DMXL2: variants seen among roughly 807,000 people sequenced by gnomAD.
DMXL2 encodes the protein dmX-like protein 2.
In DMXL2, 103 loss-of-function variants were observed where a neutral mutation model predicts 331.1. The observed-to-expected ratio is 0.31, with a 90% CI of 0.27 to 0.37. The LOEUF is 0.37. Among genes scored for constraint, DMXL2 ranks in the 10% least tolerant of loss-of-function variants. The probability of loss-of-function intolerance (pLI) is 1.00; values close to 1 mark genes in which losing one functional copy is unlikely to be tolerated. For synonymous variants in DMXL2, 1,281 were observed against 1,252.1 expected (o/e 1.02, Z -0.49); for missense variants, 3,171 against 3,642.9 (o/e 0.87, Z 3.33).
intron 23 of DMXL2, among the ~76,000 whole-genome samples, chr15:51,483,105 T>G (rs2042134769): frequency 6.6e-6 from 1 of 152,046 alleles, no homozygotes; most frequent in Admixed American, 6.5e-5. Flanking sequence ...ACCACAAACA[T>G]CTACAGTCCT....
Position 51,478,275 on chromosome 15 carries a change from A to G in DMXL2, c.6829T>C (p.Tyr2277His). 1 of 1,611,730 alleles carries G rather than the reference A, an allele frequency of 6.2e-7. No homozygotes were observed. Among genetic ancestry groups the G allele is most frequent in the Non-Finnish European group, 8.5e-7 (1 of 1,178,434 alleles). ...TTTTGGGTGATTTTTTTTTACCTGTAGCTATGACTGTCACATAATGCTTGG... is the reference window on the plus strand; with the variant it reads ...TTTTGGGTGATTTTTTTTTACCTGTGGCTATGACTGTCACATAATGCTTGG... ...IYQALCDSHS[Y>H]SSQTEGNQFT... Residue 2277 changes from tyrosine (Y) to histidine (H), a missense_variant, in exon 26 of 44, where the codon TAC becomes CAC. Tyr to His is a moderately conservative substitution (Grantham distance 83). This residue lies in a region of DMXL2 where 18 missense variants were observed against 40.9 expected (regional missense o/e 0.44). Coordinates refer to ENST00000560891, the MANE Select transcript of DMXL2 (RefSeq NM_001378457.1).
chr15:51,466,259 A>G lies in DMXL2; in HGVS notation c.7445T>C (p.Ile2482Thr). 6.4e-7 allele frequency: 1 copy of G among 1,566,506 alleles called. No homozygotes were observed. Among genetic ancestry groups the G allele is most frequent in the Non-Finnish European group, 8.6e-7 (1 of 1,158,426 alleles). ...SGVIYDSDESIHSDEEDDAFF... is the reference protein window; with the variant it reads ...SGVIYDSDESTHSDEEDDAFF... The stretch of plus-strand genomic sequence containing the variant: ...GGCATCATCTTCTTCATCACTATGA[A>G]TGCTTTCATCAGAATCATATATAAC... The change falls in exon 30 of 44, where the codon ATT (isoleucine) becomes ACT (threonine). Residue 2482 changes from isoleucine (I) to threonine (T), a missense_variant. Ile to Thr is a moderately conservative substitution (Grantham distance 89). Transcript: ENST00000560891.
intron 28 of DMXL2, among the ~76,000 whole-genome samples, chr15:51,472,631 T>G (rs1337644622): frequency 1.3e-5 from 2 of 152,198 alleles, no homozygotes; most frequent in Non-Finnish European, 2.9e-5. Context: ...AATATGAGAC[T>G]TTTTGTGTCT....
rs12909640 is a variant in DMXL2, at chr15:51,498,415, G to C, written c.4672+137C>G. 2,846 of 776,866 alleles carry C rather than the reference G, an allele frequency of 3.7e-3. 7 individuals carry two copies. Among genetic ancestry groups the C allele is most frequent in the Non-Finnish European group, 3.9e-3 (1,911 of 490,986 alleles). 48.1% of individuals were successfully genotyped at this position (776,866 alleles called of 1,614,324 possible). On this transcript the variant is annotated intron_variant, in intron 18 of 43. Transcript: ENST00000560891. The stretch of plus-strand genomic sequence containing the variant: ...TTCTAACTGAGCATATTATATAATA[G>C]TAATTACCTATTAAGGAGGTCTTTT...
chr15:51,523,002 G>A (rs2047463226), intron 13 of DMXL2, among the ~76,000 whole-genome samples: 1 of 152,102 alleles, frequency 6.6e-6, no homozygotes, highest in Admixed American at 6.5e-5. Context: ...TTCCCTTCCT[G>A]TGCTTCCTAA....
intron 18 of DMXL2, among the ~76,000 whole-genome samples, chr15:51,495,625 T>C (rs1311744933): frequency 6.6e-6 from 1 of 152,048 alleles, no homozygotes; most frequent in Non-Finnish European, 1.5e-5. Context: ...ATACCCAGGC[T>C]AGTTAGTGTT....
chr15:51,547,231 T>G lies in DMXL2; in HGVS notation c.745A>C (p.Arg249=). The G allele has an allele frequency of 6.2e-7, 1 of 1,601,170 alleles. No homozygotes were observed. The highest frequency in any genetic ancestry group is 8.5e-7 in the Non-Finnish European group (1 of 1,175,366). The change falls in exon 7 of 44, where the codon AGG becomes CGG. Residue 249 remains arginine, a splice_region_variant and synonymous_variant. Transcript: ENST00000560891. ...AGCTACATGATTCATTCATCTAACC[T>G]GGGCATATACTTGCTAGTTTTGCGC... ...SWRKTSKYMP[R]GSVCNVLLTS...
chr15:51,530,226 G>A (rs1241034629), intron 13 of DMXL2, among the ~76,000 whole-genome samples: 2 of 152,114 alleles, frequency 1.3e-5, no homozygotes, highest in East Asian at 3.8e-4. Context: ...GAAAGTGCCA[G>A]CTCAGGCAAT....
chr15:51,455,222 C>T lies in DMXL2; in HGVS notation c.8533G>A (p.Val2845Ile). 6.2e-7 allele frequency: 1 copy of T among 1,613,730 alleles called. No individual in the cohort carries two copies. Among genetic ancestry groups the T allele is most frequent in the Non-Finnish European group, 8.5e-7 (1 of 1,179,616 alleles). Residue 2845 changes from valine to isoleucine, a missense_variant, in exon 40 of 44, where the codon GTT (valine) becomes ATT (isoleucine). Transcript: ENST00000560891. ...YFNSQGNKCG[V>I]ADGEGFLSIW... ...CTCAGAAAACCCTCTCCATCCGCAA[C>T]ACCACACTGTAAGAACAGTATAACT...
At chr15:51,522,445 G>A (rs2047430164) in intron 13 of DMXL2, among the ~76,000 whole-genome samples, 1 of 152,142 alleles carries the variant, frequency 6.6e-6, no homozygotes. Flanking sequence ...AGCAGTTCAA[G>A]ACCAGCCTGG....
chr15:51,478,874 C>T (rs1193488577), intron 25 of DMXL2, among the ~76,000 whole-genome samples: 1 of 151,774 alleles, frequency 6.6e-6, no homozygotes, highest in Non-Finnish European at 1.5e-5. Flanking sequence ...GAATTGAGGA[C>T]AGTCTTAGAA....
chr15:51,589,715 G>T (rs185339129), intron 1 of DMXL2, among the ~76,000 whole-genome samples: 113 of 152,188 alleles, frequency 7.4e-4, no homozygotes, highest in African/African-American at 2.6e-3. Context: ...CTTTAATAAA[G>T]TATAGAAAAA....
At chr15:51,500,337 C>T in intron 17 of DMXL2, 106 bp from the exon 18 acceptor site, 1 of 1,159,746 alleles carries the variant, frequency 8.6e-7, no homozygotes, top group Non-Finnish European at 1.2e-6. Flanking sequence ...TCACTATGAG[C>T]TTCTTCAGAA....
chr15:51,526,464 A>G (rs2047682985), intron 13 of DMXL2, among the ~76,000 whole-genome samples: 1 of 152,202 alleles, frequency 6.6e-6, no homozygotes, highest in Admixed American at 6.5e-5. Context: ...AGATTACAAC[A>G]AATACCTAAC....
chr15:51,475,961 T>C (rs2041546718), intron 27 of DMXL2, among the ~76,000 whole-genome samples: 1 of 152,178 alleles, frequency 6.6e-6, no homozygotes, highest in South Asian at 2.1e-4. Flanking sequence ...GGAATCTGGG[T>C]GAAATTTAGT....
chr15:51,601,603 G>A (rs1011320567), intron 1 of DMXL2, among the ~76,000 whole-genome samples: 7 of 152,132 alleles, frequency 4.6e-5, no homozygotes, highest in Non-Finnish European at 7.3e-5. Flanking sequence ...TCTTTCTGGT[G>A]CTGATTTTGG....
intron 1 of DMXL2, among the ~76,000 whole-genome samples, chr15:51,602,327 C>T (rs777457338): frequency 6.6e-6 from 1 of 151,920 alleles, no homozygotes; most frequent in Non-Finnish European, 1.5e-5. Flanking sequence ...CTCCCTTTAT[C>T]TTTTTTTTCC....
At chr15:51,620,578 G>A (rs1423040210) in intron 1 of DMXL2, among the ~76,000 whole-genome samples, 1 of 152,198 alleles carries the variant, frequency 6.6e-6, no homozygotes, top group Non-Finnish European at 1.5e-5. Context: ...GAGTAATATA[G>A]TAAAATGACA....
intron 17 of DMXL2, among the ~76,000 whole-genome samples, chr15:51,501,497 G>A (rs1443902295): frequency 1.3e-5 from 2 of 152,096 alleles, no homozygotes; most frequent in Non-Finnish European, 2.9e-5. Flanking sequence ...GGTGAGACGT[G>A]ATTACCACAA....
Sources: gnomAD v4.1 joint callset for allele counts (sites outside exome capture counted in the v4.1 genomes callset) on GRCh38, gnomAD v4.1.1 for gene constraint, gnomAD v4.1.1 regional missense constraint, MANE v1.5 for transcripts, NCBI Gene and HGNC (gene_info 2026-07-23, HGNC 2026-07-21) for gene names.